The following MAP3K14 variants were observed in gnomAD, a reference collection of about 807,000 sequenced individuals.
MAP3K14 encodes NF-kappa-beta-inducing kinase.
Under a neutral mutation model 99.2 loss-of-function variants are expected in MAP3K14, and 16 were observed. The observed-to-expected ratio is 0.16, with a 90% confidence interval of 0.11 to 0.24. The LOEUF (loss-of-function observed/expected upper bound fraction) is 0.24, where lower values mean the gene tolerates loss of function less well. Ranked by LOEUF, MAP3K14 falls within the 10% of genes least tolerant of loss-of-function variation. The probability of loss-of-function intolerance (pLI) is 1.00; values close to 1 mark genes in which losing one functional copy is unlikely to be tolerated. For synonymous variants in MAP3K14, 462 were observed against 492.4 expected (o/e 0.94, Z 0.82); for missense variants, 784 against 1,208.7 (o/e 0.65, Z 5.21).
chr17:45,297,383 T>C (rs2044353923), intron 1 of MAP3K14, among the ~76,000 whole-genome samples: 1 of 152,252 alleles, frequency 6.6e-6, no homozygotes, highest in Non-Finnish European at 1.5e-5. Flanking sequence ...TGAGGGGTCT[T>C]GTCAAGTCAG....
Position 45,273,513 on chromosome 17 carries a change from G to T in MAP3K14, c.1647C>A (p.Ser549=). ...GGTGGGGGGCCTTACCTGTGAGCAA[G>T]GACTTTCCCAGGCCATCAGGTTGAA... The part of the protein sequence containing the change: ...VCLQPDGLGK[S]LLTGDYIPGT... Residue 549 remains serine (S), a synonymous_variant, in exon 9 of 16, where the codon TCC becomes TCA. Transcript: ENST00000344686. 1 of 1,610,866 alleles carries T rather than the reference G, an allele frequency of 6.2e-7. No individual in the cohort carries two copies. The highest frequency in any genetic ancestry group is 8.5e-7 in the Non-Finnish European group (1 of 1,177,878).
At chr17:45,308,080 T>A (rs552872332) in intron 1 of MAP3K14, among the ~76,000 whole-genome samples, 1 of 152,322 alleles carries the variant, frequency 6.6e-6, no homozygotes, top group East Asian at 1.9e-4. Context: ...ATGAGGAATA[T>A]TCTCAGAGGA....
At chr17:45,316,658 G>T (rs542276565) in intron 1 of MAP3K14, among the ~76,000 whole-genome samples, 1 of 152,160 alleles carries the variant, frequency 6.6e-6, no homozygotes, top group Non-Finnish European at 1.5e-5. Flanking sequence ...GCGGCGCGGG[G>T]CACTAGTGAA....
intron 1 of MAP3K14, among the ~76,000 whole-genome samples, chr17:45,316,641 C>T (rs1236262609): frequency 6.6e-6 from 1 of 152,196 alleles, no homozygotes; most frequent in Non-Finnish European, 1.5e-5. Context: ...GGCGGGCGGG[C>T]CTGGCGGCGG....
In MAP3K14 at chr17:45,302,814, C is replaced by A. The variant is rs376882684; in HGVS notation, c.-20-12049G>T. Among the ~76,000 whole-genome samples the A allele has an allele frequency of 7.3e-5, 11 of 151,422 alleles. No individual in the cohort carries two copies. In the East Asian group the frequency reaches 7.8e-4, roughly 11 times the overall value. On this transcript the variant is annotated intron_variant, in intron 1 of 15. Transcript: ENST00000344686. Reference sequence around the variant, plus strand: ...AAACTTCACCAGAAAGTCTGTGGCTCTTCTGTTCTGCTCACTGAGTTCTGG... The same window carrying A: ...AAACTTCACCAGAAAGTCTGTGGCTATTCTGTTCTGCTCACTGAGTTCTGG...
At chr17:45,301,032 G>C (rs112969331) in intron 1 of MAP3K14, among the ~76,000 whole-genome samples, 14,885 of 151,966 alleles carry the variant, frequency 0.098, 892 homozygotes, top group Admixed American at 0.15. Context: ...GCTGAGCATA[G>C]TCACACGTGT....
At chr17:45,274,409 CA>C (rs1567989757) in intron 7 of MAP3K14, 54 bp downstream of exon 7, 4 of 1,606,356 alleles carry the variant, frequency 2.5e-6, no homozygotes, top group African/African-American at 2.7e-5. Flanking sequence ...GGGCAAGACT[CA>C]GGGGGGAACT....
intron 6 of MAP3K14, 68 bp downstream of exon 6, chr17:45,284,744 A>G (rs943271140): frequency 2.4e-5 from 36 of 1,504,904 alleles, no homozygotes; most frequent in Non-Finnish European, 2.9e-5. Context: ...CTGGACAGAA[A>G]GCAGAGGGAA....
chr17:45,287,786 C>A (rs1365998807), intron 3 of MAP3K14, among the ~76,000 whole-genome samples: 1 of 152,176 alleles, frequency 6.6e-6, no homozygotes, highest in Non-Finnish European at 1.5e-5. Context: ...GGGCCACGCT[C>A]ATGGCAGGCC....
intron 6 of MAP3K14, among the ~76,000 whole-genome samples, chr17:45,275,212 C>T (rs1031165767): frequency 3.9e-5 from 6 of 151,978 alleles, no homozygotes; most frequent in African/African-American, 7.2e-5. Flanking sequence ...GCTGTAATCT[C>T]AGCACTTTGG....
Position 45,274,519 on chromosome 17 carries a change from C to T in MAP3K14, c.1365G>A (p.Leu455=). 1.2e-6 allele frequency: 2 copies of T among 1,614,048 alleles called. No individual in the cohort carries two copies. Among genetic ancestry groups the T allele is most frequent in the Non-Finnish European group, 1.7e-6 (2 of 1,179,898 alleles). The change falls in exon 7 of 16, where the codon TTG becomes TTA. Residue 455 remains leucine, a synonymous_variant. Transcript: ENST00000344686. ...AAGGCCCTTCTCTCACAGCTCCATA[C>T]AAAGGGACAATTCTGGGTGAGGTCA... ...AGLTSPRIVP[L]YGAVREGPWV...
intron 14 of MAP3K14, among the ~76,000 whole-genome samples, 197 bp from the exon 15 acceptor site, chr17:45,265,460 CAG>C (rs1168506483): frequency 1.3e-5 from 2 of 152,192 alleles, no homozygotes; most frequent in Non-Finnish European, 2.9e-5. Context: ...GTTTTTGAGA[CAG>C]AGTCTCACTG....
chr17:45,300,184 C>T (rs1343017569), intron 1 of MAP3K14, among the ~76,000 whole-genome samples: 2 of 149,912 alleles, frequency 1.3e-5, no homozygotes, highest in Non-Finnish European at 3.0e-5. Flanking sequence ...CCTGCAATTA[C>T]CACCACATGC....
chr17:45,302,106 C>T (rs575114091), intron 1 of MAP3K14, among the ~76,000 whole-genome samples: 22 of 151,876 alleles, frequency 1.4e-4, no homozygotes, highest in Admixed American at 9.2e-4. Flanking sequence ...GCTGGCATTA[C>T]AGGCATGAGC....
At chr17:45,265,355 A>C in intron 14 of MAP3K14, 92 bp from the exon 15 acceptor site, 1 of 815,686 alleles carries the variant, frequency 1.2e-6, no homozygotes. Flanking sequence ...GTTTTTGTTA[A>C]AAGTCACTCT....
chr17:45,300,213 C>T (rs1194149436), intron 1 of MAP3K14, among the ~76,000 whole-genome samples: 1 of 152,222 alleles, frequency 6.6e-6, no homozygotes, highest in Non-Finnish European at 1.5e-5. Context: ...GGCTGGCCGG[C>T]CCTAGCCGTG....
In MAP3K14 at chr17:45,274,584, C is replaced by T. The variant is rs2044165029; in HGVS notation, c.1300G>A (p.Glu434Lys). 1.2e-6 allele frequency: 2 copies of T among 1,613,674 alleles called. No individual in the cohort carries two copies. Among genetic ancestry groups the T allele is most frequent in the Non-Finnish European group, 1.7e-6 (2 of 1,179,848 alleles). ...ATCAGCTCCTCTGCCCGAAATACTT[C>T]CAGCCGCACCTGCAAGGGCCCAGAG... Reference protein sequence around the residue: ...FQCAVKKVRLEVFRAEELMAC... With the variant: ...FQCAVKKVRLKVFRAEELMAC... Residue 434 changes from glutamate to lysine, a missense_variant, in exon 7 of 16, where the codon GAA (glutamate) becomes AAA (lysine). Physicochemically the swap from Glu to Lys is moderately conservative, Grantham distance 56. Coordinates refer to ENST00000344686, the MANE Select transcript of MAP3K14 (RefSeq NM_003954.5).
chr17:45,304,010 C>CTTTTTTTTTTT (rs1026894731), intron 1 of MAP3K14, among the ~76,000 whole-genome samples: 97 of 127,726 alleles, frequency 7.6e-4, no homozygotes, highest in East Asian at 2.5e-3. Context: ...CTTTTCTTTT[C>CTTTTTTTTTTT]TTTTTTTTTT....
Position 45,266,517 on chromosome 17 carries a change from A to G in MAP3K14, c.2578+20T>C, listed in dbSNP as rs1486851096. On this transcript the variant is annotated intron_variant, in intron 14 of 15. Coordinates refer to ENST00000344686, the MANE Select transcript of MAP3K14 (RefSeq NM_003954.5). ...TCAGCTGCCACGGGGACTGCTGAGCAGGTGGGAATTGGACTGTACCATTGA... is the reference window on the plus strand; with the variant it reads ...TCAGCTGCCACGGGGACTGCTGAGCGGGTGGGAATTGGACTGTACCATTGA... 1 of 1,591,064 alleles carries G rather than the reference A, an allele frequency of 6.3e-7. No homozygotes were observed. The highest frequency in any genetic ancestry group is 1.3e-5 in the African/African-American group (1 of 74,346).
Sources: allele counts gnomAD v4.1 joint callset (sites outside exome capture counted in the v4.1 genomes callset), GRCh38; gene constraint gnomAD v4.1.1; transcripts MANE v1.5; gene names NCBI Gene and HGNC (gene_info 2026-07-23, HGNC 2026-07-21).